ALK: variants seen among roughly 807,000 people sequenced by gnomAD.
ALK encodes ALK tyrosine kinase receptor.
In ALK, 74 loss-of-function variants were observed where a neutral mutation model predicts 163.1. The ratio of observed to expected loss-of-function variants is 0.45; its 90% confidence interval spans 0.38 to 0.55. ALK has a LOEUF of 0.55. ALK is among the 20% of genes least tolerant of loss of function. The pLI is 0.00. For synonymous variants in ALK, 960 were observed against 843.2 expected (o/e 1.14, Z -2.40); for missense variants, 2,063 against 2,105.3 (o/e 0.98, Z 0.39).
At chr2:29,700,045 C>A (rs918365219) in intron 2 of ALK, among the ~76,000 whole-genome samples, 1 of 152,160 alleles carries the variant, frequency 6.6e-6, no homozygotes, top group African/African-American at 2.4e-5. Flanking sequence ...CTCCATGGTG[C>A]CATTCATCTC....
At chr2:29,589,520 T>C (rs1558398183) in intron 3 of ALK, among the ~76,000 whole-genome samples, 1 of 152,204 alleles carries the variant, frequency 6.6e-6, no homozygotes, top group East Asian at 1.9e-4. Flanking sequence ...GTACAGCTTA[T>C]GAACAGCAGA....
At chr2:29,547,416 G>C (rs1673584996) in intron 3 of ALK, among the ~76,000 whole-genome samples, 1 of 152,162 alleles carries the variant, frequency 6.6e-6, no homozygotes, top group South Asian at 2.1e-4. Context: ...GGGCAACATG[G>C]TGAAACCCCA....
At chr2:29,571,419 AG>A (rs1674365449) in intron 3 of ALK, among the ~76,000 whole-genome samples, 1 of 152,156 alleles carries the variant, frequency 6.6e-6, no homozygotes, top group Admixed American at 6.5e-5. Flanking sequence ...TGTGATAGTG[AG>A]TTCTCACAAG....
intron 11 of ALK, among the ~76,000 whole-genome samples, chr2:29,273,956 T>C (rs1333063129): frequency 6.6e-6 from 1 of 152,090 alleles, no homozygotes; most frequent in Admixed American, 6.5e-5. Context: ...AGAGCTGCAG[T>C]TTTGTAGGAC....
At chr2:29,610,419 C>T (rs1470416777) in intron 3 of ALK, among the ~76,000 whole-genome samples, 1 of 152,162 alleles carries the variant, frequency 6.6e-6, no homozygotes, top group Non-Finnish European at 1.5e-5. Flanking sequence ...GAGAAAGATG[C>T]ACTTTCATTT....
intron 4 of ALK, among the ~76,000 whole-genome samples, chr2:29,425,445 G>A (rs1017045063): frequency 4.6e-5 from 7 of 152,174 alleles, no homozygotes; most frequent in African/African-American, 1.7e-4. Context: ...AGAAGTTGGG[G>A]ATCCCTTACT....
intron 2 of ALK, among the ~76,000 whole-genome samples, chr2:29,716,380 T>A (rs1430950547): frequency 6.6e-6 from 1 of 152,210 alleles, no homozygotes; most frequent in Non-Finnish European, 1.5e-5. Flanking sequence ...AAAGCAAAGC[T>A]TAGTGTCTGT....
At chr2:29,812,348 AC>A (rs1295737002) in intron 1 of ALK, among the ~76,000 whole-genome samples, 50 of 151,622 alleles carry the variant, frequency 3.3e-4, no homozygotes, top group Admixed American at 2.4e-3. Flanking sequence ...TAGCATAAAT[AC>A]CCCCGCCATC....
At chr2:29,272,320 AT>A (rs753633600) in intron 11 of ALK, among the ~76,000 whole-genome samples, 11 of 152,126 alleles carry the variant, frequency 7.2e-5, no homozygotes, top group Non-Finnish European at 1.3e-4. Context: ...TACTTGCCCC[AT>A]TTTCTCTTTC....
chr2:29,814,614 C>T (rs563468636), intron 1 of ALK, among the ~76,000 whole-genome samples: 1 of 151,282 alleles, frequency 6.6e-6, no homozygotes, highest in South Asian at 2.1e-4. Context: ...GAGCCAAGAT[C>T]GCACCACTGC....
intron 3 of ALK, among the ~76,000 whole-genome samples, chr2:29,582,326 CT>C (rs1674727171): frequency 6.6e-6 from 1 of 152,222 alleles, no homozygotes; most frequent in South Asian, 2.1e-4. Flanking sequence ...GGGTATCTCA[CT>C]TCCTTCTAAC....
intron 3 of ALK, among the ~76,000 whole-genome samples, chr2:29,604,331 T>A (rs1675479500): frequency 6.6e-6 from 1 of 152,190 alleles, no homozygotes; most frequent in African/African-American, 2.4e-5. Context: ...CCCTTTCGTG[T>A]TACAATGGCA....
intron 4 of ALK, among the ~76,000 whole-genome samples, chr2:29,489,265 T>C (rs958873512): frequency 1.3e-5 from 2 of 152,236 alleles, no homozygotes; most frequent in Admixed American, 1.3e-4. Flanking sequence ...TCGAATTCAG[T>C]ATACTACAAG....
At chr2:29,462,328 G>T (rs369399849) in intron 4 of ALK, among the ~76,000 whole-genome samples, 1 of 152,116 alleles carries the variant, frequency 6.6e-6, no homozygotes, top group Non-Finnish European at 1.5e-5. Flanking sequence ...TGGGTAAAAC[G>T]CTATCAAACA....
At chr2:29,477,324 C>A (rs77367515) in intron 4 of ALK, among the ~76,000 whole-genome samples, 2 of 152,276 alleles carry the variant, frequency 1.3e-5, no homozygotes, top group East Asian at 3.9e-4. Context: ...GTCTGGGACA[C>A]ATTTACTTAA....
chr2:29,764,195 G>T (rs1314898032), intron 1 of ALK, among the ~76,000 whole-genome samples: 3 of 152,168 alleles, frequency 2.0e-5, no homozygotes, highest in African/African-American at 7.2e-5. Flanking sequence ...GTGTCCAAGG[G>T]TCAGGCTGAG....
chr2:29,548,173 G>A (rs1322229255), intron 3 of ALK, among the ~76,000 whole-genome samples: 1 of 152,100 alleles, frequency 6.6e-6, no homozygotes, highest in Non-Finnish European at 1.5e-5. Context: ...GACTAGTAAA[G>A]TAATAAGAGT....
In ALK at chr2:29,906,308, C is replaced by T. The variant is rs150638824; in HGVS notation, c.667+13685G>A. Among the ~76,000 whole-genome samples the T allele has an allele frequency of 4.3e-3, 648 of 152,124 alleles. 3 individuals are homozygous for T. Among genetic ancestry groups the T allele is most frequent in the African/African-American group, 0.013 (555 of 41,516 alleles). ...ATTCTTCCCTCACCATTCTATAAAT[C>T]CCATGCGGGCAAAGCCCATGTCTGT... On this transcript the variant is annotated intron_variant, in intron 1 of 28. Coordinates refer to ENST00000389048, the MANE Select transcript of ALK (RefSeq NM_004304.5).
At chr2:29,318,247 G>T (rs1370531559) in intron 8 of ALK, 57 bp downstream of exon 8, 1 of 1,448,528 alleles carries the variant, frequency 6.9e-7, no homozygotes, top group Non-Finnish European at 9.7e-7. Flanking sequence ...TCTGGGTTCC[G>T]GAAGTGACAA....
Sources: gnomAD v4.1 joint callset for allele counts (sites outside exome capture counted in the v4.1 genomes callset) on GRCh38, gnomAD v4.1.1 for gene constraint, MANE v1.5 for transcripts, NCBI Gene and HGNC (gene_info 2026-07-23, HGNC 2026-07-21) for gene names.